The following LRP1B variants were observed in gnomAD, a reference collection of about 807,000 sequenced individuals.
LRP1B encodes LDL receptor related protein 1B.
Under a neutral mutation model 556.6 loss-of-function variants are expected in LRP1B, and 217 were observed. That is an observed-to-expected ratio of 0.39 (90% CI 0.35 to 0.44). The LOEUF is 0.44. Among genes scored for constraint, LRP1B ranks in the 20% least tolerant of loss-of-function variants. The pLI, the probability that LRP1B is intolerant of heterozygous loss-of-function variation, is 1.00. For missense variants in LRP1B, 5,053 were observed against 5,620.8 expected (o/e 0.90, Z 3.23); for synonymous variants, 2,047 against 1,865.8 (o/e 1.10, Z -2.50).
rs1330228370 is a variant in LRP1B, at chr2:140,252,111, G to GA, written c.13248-4950dup. Among the ~76,000 whole-genome samples the GA allele has an allele frequency of 3.0e-4, 8 of 26,496 alleles. No homozygotes were observed. The East Asian group carries it at 6.6e-3, about 22-fold the overall frequency. 17.4% of individuals were successfully genotyped at this position (26,496 alleles called of 152,430 possible). A position where few individuals can be genotyped will look rare whatever the true frequency, so the allele number is the denominator to read the frequency against. ...AAAACCCAAAAAACAAAAAAAAACA[G>GA]AAAAAAAACCTAGCATTTTGGGACA... On this transcript the variant is annotated intron_variant, in intron 86 of 90. Transcript: ENST00000389484.
At chr2:141,610,326 A>ACTTT (rs148561392) in intron 2 of LRP1B, among the ~76,000 whole-genome samples, 1 of 147,452 alleles carries the variant, frequency 6.8e-6, no homozygotes. Flanking sequence ...AAAGTATAAT[A>ACTTT]ATAATAATAA....
At chr2:141,788,815 T>A (rs923827344) in intron 2 of LRP1B, among the ~76,000 whole-genome samples, 1 of 151,998 alleles carries the variant, frequency 6.6e-6, no homozygotes, top group Non-Finnish European at 1.5e-5. Context: ...TGCGACAGTT[T>A]GCTAAGAATG....
At chr2:140,802,465 T>C (rs1238903578) in intron 32 of LRP1B, among the ~76,000 whole-genome samples, 1 of 152,178 alleles carries the variant, frequency 6.6e-6, no homozygotes, top group East Asian at 1.9e-4. Context: ...TACTAAATTA[T>C]CCACGAATAT....
chr2:140,991,575 C>T (rs552295405), intron 16 of LRP1B, among the ~76,000 whole-genome samples: 3 of 152,104 alleles, frequency 2.0e-5, no homozygotes, highest in East Asian at 3.9e-4. Flanking sequence ...CGAGAGACTA[C>T]GTAACACTAC....
intron 2 of LRP1B, among the ~76,000 whole-genome samples, chr2:141,707,572 G>A (rs1225344948): frequency 6.6e-6 from 1 of 152,120 alleles, no homozygotes; most frequent in Non-Finnish European, 1.5e-5. Context: ...TGCACACACA[G>A]GGCTGTGAAA....
intron 83 of LRP1B, among the ~76,000 whole-genome samples, chr2:140,312,375 G>A (rs1684339241): frequency 6.6e-6 from 1 of 151,938 alleles, no homozygotes; most frequent in South Asian, 2.1e-4. Flanking sequence ...AACTGGGTAG[G>A]AAAGTTTGAC....
intron 66 of LRP1B, among the ~76,000 whole-genome samples, chr2:140,404,193 G>A (rs1259209697): frequency 6.0e-5 from 1 of 16,596 alleles, no homozygotes; most frequent in Non-Finnish European, 1.5e-4. Context: ...TTTTTTTTTT[G>A]AGACAGAGTC....
chr2:141,032,317 A>C (rs1336844961), intron 11 of LRP1B, among the ~76,000 whole-genome samples: 1 of 152,118 alleles, frequency 6.6e-6, no homozygotes, highest in African/African-American at 2.4e-5. Flanking sequence ...ATTACAAATA[A>C]TGTGTCTTTT....
At chr2:141,489,126 T>A (rs1683237642) in intron 2 of LRP1B, among the ~76,000 whole-genome samples, 1 of 144,654 alleles carries the variant, frequency 6.9e-6, no homozygotes, top group Non-Finnish European at 1.5e-5. Context: ...TTTTTTTTTT[T>A]TTTTTTTTTT....
intron 41 of LRP1B, among the ~76,000 whole-genome samples, chr2:140,643,254 T>G (rs1283402176): frequency 6.6e-6 from 1 of 152,152 alleles, no homozygotes; most frequent in Non-Finnish European, 1.5e-5. Flanking sequence ...AACTTTTTCC[T>G]CTTTGAGTGG....
At chr2:141,772,289 C>A (rs941115346) in intron 2 of LRP1B, among the ~76,000 whole-genome samples, 2 of 152,114 alleles carry the variant, frequency 1.3e-5, no homozygotes, top group Non-Finnish European at 2.9e-5. Flanking sequence ...GTTATAGCAT[C>A]CCAAACTGAC....
At chr2:141,478,747 G>A (rs565570504) in intron 3 of LRP1B, among the ~76,000 whole-genome samples, 28 of 152,084 alleles carry the variant, frequency 1.8e-4, no homozygotes, top group African/African-American at 5.8e-4. Context: ...GTTTCATCAC[G>A]TTGGCCATGC....
intron 12 of LRP1B, among the ~76,000 whole-genome samples, chr2:141,016,765 G>C (rs903337514): frequency 3.3e-5 from 5 of 152,090 alleles, no homozygotes; most frequent in African/African-American, 1.2e-4. Context: ...ATTAATTAAA[G>C]TGTAGGTTTA....
chr2:141,096,667 A>AGAGAGG (rs1700325052), intron 7 of LRP1B, among the ~76,000 whole-genome samples: 1 of 128,282 alleles, frequency 7.8e-6, no homozygotes, highest in Non-Finnish European at 1.6e-5. Flanking sequence ...AGAGAGAGAG[A>AGAGAGG]GAGAGAGAGA....
At chr2:142,045,154 A>G (rs573316389) in intron 1 of LRP1B, among the ~76,000 whole-genome samples, 4 of 148,548 alleles carry the variant, frequency 2.7e-5, no homozygotes, top group Admixed American at 1.3e-4. Flanking sequence ...AAAAAAAAAA[A>G]AACAACAACA....
intron 1 of LRP1B, among the ~76,000 whole-genome samples, chr2:142,119,287 T>G (rs1559082319): frequency 6.6e-6 from 1 of 152,174 alleles, no homozygotes; most frequent in African/African-American, 2.4e-5. Context: ...AGGTAATTTC[T>G]CTGGTTGAAG....
chr2:140,876,238 T>C (rs1409873038), intron 25 of LRP1B, among the ~76,000 whole-genome samples: 3 of 152,188 alleles, frequency 2.0e-5, no homozygotes, highest in African/African-American at 7.2e-5. Flanking sequence ...CCTTTTTTTC[T>C]TTTCAGAGTC....
At chr2:141,171,172 A>G (rs996364042) in intron 7 of LRP1B, among the ~76,000 whole-genome samples, 1 of 152,120 alleles carries the variant, frequency 6.6e-6, no homozygotes, top group Non-Finnish European at 1.5e-5. Context: ...TACTGAACCA[A>G]TGTTGATGCA....
intron 2 of LRP1B, among the ~76,000 whole-genome samples, chr2:141,631,801 C>T (rs1383011299): frequency 6.6e-6 from 1 of 152,116 alleles, no homozygotes; most frequent in African/African-American, 2.4e-5. Flanking sequence ...CATAGATCAC[C>T]AGTAAAGCCA....
Sources: gnomAD v4.1 joint callset for allele counts (sites outside exome capture counted in the v4.1 genomes callset) on GRCh38, gnomAD v4.1.1 for gene constraint, MANE v1.5 for transcripts, NCBI Gene and HGNC (gene_info 2026-07-23, HGNC 2026-07-21) for gene names.